Variants in GRIK2 observed in about 807,000 individuals in gnomAD.
GRIK2 encodes the protein glutamate ionotropic receptor kainate type subunit 2, also known as glutamate receptor ionotropic, kainate 2.
GRIK2 carries 32 observed loss-of-function variants against 100.3 expected under a neutral mutation model. The ratio of observed to expected loss-of-function variants is 0.32; its 90% CI spans 0.24 to 0.43. The LOEUF (loss-of-function observed/expected upper bound fraction) is 0.43, where lower values mean the gene tolerates loss of function less well. GRIK2 is among the 20% of genes least tolerant of loss of function. The pLI is 1.00. For missense variants in GRIK2, 843 were observed against 1,114.9 expected (o/e 0.76, Z 3.47); for synonymous variants, 417 against 389.4 (o/e 1.07, Z -0.83).
At chr6:101,644,078 T>A (rs1781408672) in intron 4 of GRIK2, among the ~76,000 whole-genome samples, 1 of 151,756 alleles carries the variant, frequency 6.6e-6, no homozygotes. Context: ...TAAAGTAATA[T>A]CTTATCAAGC....
At chr6:101,837,701 G>A (rs1441008352) in intron 10 of GRIK2, among the ~76,000 whole-genome samples, 4 of 152,224 alleles carry the variant, frequency 2.6e-5, no homozygotes, top group South Asian at 2.1e-4. Context: ...TTCTGCCAGG[G>A]TCAGGACAAA....
intron 2 of GRIK2, among the ~76,000 whole-genome samples, chr6:101,456,122 T>C (rs574685034): frequency 6.6e-6 from 1 of 151,698 alleles, no homozygotes; most frequent in Admixed American, 6.6e-5. Flanking sequence ...GACAGATTTT[T>C]TTTTTTTTTT....
intron 16 of GRIK2, 134 bp from the exon 17 acceptor site, chr6:102,068,213 A>C: frequency 1.6e-6 from 1 of 618,696 alleles, no homozygotes; most frequent in African/African-American, 1.9e-5. Flanking sequence ...ATTTGTTATA[A>C]CTTTTACAAT....
chr6:101,853,193 AAACCTCTTAT>A (rs1784239358), intron 10 of GRIK2, among the ~76,000 whole-genome samples: 1 of 152,170 alleles, frequency 6.6e-6, no homozygotes. Flanking sequence ...ACCTAGGTTC[AAACCTCTTAT>A]TTTGTTGCCT....
At chr6:101,839,364 C>T (rs1196099676) in intron 10 of GRIK2, among the ~76,000 whole-genome samples, 1 of 152,092 alleles carries the variant, frequency 6.6e-6, no homozygotes, top group Non-Finnish European at 1.5e-5. Context: ...TTTGAAGGCA[C>T]AGATGTGTGA....
At chr6:101,609,267 T>A (rs1333001746) in intron 2 of GRIK2, among the ~76,000 whole-genome samples, 2 of 151,802 alleles carry the variant, frequency 1.3e-5, no homozygotes, top group African/African-American at 4.8e-5. Flanking sequence ...TTCTACAATA[T>A]TTTCTTCCCA....
At chr6:101,584,328 G>A (rs1004251371) in intron 2 of GRIK2, among the ~76,000 whole-genome samples, 38 of 152,052 alleles carry the variant, frequency 2.5e-4, no homozygotes, top group Middle Eastern at 3.4e-3. Flanking sequence ...AGTAGAATTT[G>A]TTTCTTTCAC....
chr6:101,840,779 TA>T (rs200747049), intron 10 of GRIK2, among the ~76,000 whole-genome samples: 3 of 151,284 alleles, frequency 2.0e-5, no homozygotes, highest in East Asian at 4.1e-4. Flanking sequence ...AGTAATTGAT[TA>T]AAAAAACAAA....
chr6:102,043,158 A>T (rs1227348125), intron 15 of GRIK2, among the ~76,000 whole-genome samples: 1 of 151,806 alleles, frequency 6.6e-6, no homozygotes, highest in Non-Finnish European at 1.5e-5. Flanking sequence ...TATTTAAAAA[A>T]ATTTTTTAAA....
intron 15 of GRIK2, among the ~76,000 whole-genome samples, chr6:102,047,906 A>T (rs896081198): frequency 2.0e-5 from 3 of 151,932 alleles, no homozygotes; most frequent in African/African-American, 7.2e-5. Context: ...TCAAGGCAAT[A>T]ATGAGCAAAA....
rs548962832 is a variant in GRIK2, at chr6:101,398,842, G to C, written c.-293-143G>C. 8.2e-4 allele frequency: 325 copies of C among 398,364 alleles called. 1 individual carries two copies. The highest frequency in any genetic ancestry group is 5.9e-3 in the African/African-American group (288 of 48,728). 24.7% of individuals were successfully genotyped at this position (398,364 alleles called of 1,614,324 possible). A position where few individuals can be genotyped will look rare whatever the true frequency, so the allele number is the denominator to read the frequency against. ...TAATCTTGGCTTCACGTCAGAAGCT[G>C]TGCAGCAGTGCAGTAGAATAGGGCC... On this transcript the variant is annotated intron_variant, in intron 1 of 16. Transcript: ENST00000369134.
chr6:101,607,513 G>A lies in GRIK2; in HGVS notation c.116-14436G>A, dbSNP rs527890924. 1.8e-3 allele frequency among the ~76,000 whole-genome samples: 268 copies of A among 152,116 alleles called. 2 individuals are homozygous for A. Among genetic ancestry groups the A allele is most frequent in the Non-Finnish European group, 2.3e-3 (155 of 67,958 alleles). ...CGTGTTATTCTTTAACTTACCAGAG[G>A]TAGAAAGAGAGCTTGCTTTTTATTG... On this transcript the variant is annotated intron_variant, in intron 2 of 16. Transcript: ENST00000369134.
chr6:101,650,958 A>C (rs1781757069), intron 4 of GRIK2, among the ~76,000 whole-genome samples: 2 of 151,726 alleles, frequency 1.3e-5, no homozygotes, highest in South Asian at 4.1e-4. Flanking sequence ...CAAAGAAGAA[A>C]GAGACCTCCA....
At chr6:101,801,336 G>C (rs546695986) in intron 8 of GRIK2, among the ~76,000 whole-genome samples, 1 of 152,028 alleles carries the variant, frequency 6.6e-6, no homozygotes, top group Admixed American at 6.6e-5. Flanking sequence ...GTGAACACAT[G>C]TTTAACTTTA....
At chr6:102,008,735 C>T (rs1055471113) in intron 14 of GRIK2, among the ~76,000 whole-genome samples, 3 of 152,010 alleles carry the variant, frequency 2.0e-5, no homozygotes, top group Non-Finnish European at 4.4e-5. Flanking sequence ...TAGCAAACTC[C>T]TAGTGAATCA....
chr6:101,567,984 A>G (rs987699798), intron 2 of GRIK2, among the ~76,000 whole-genome samples: 1 of 151,984 alleles, frequency 6.6e-6, no homozygotes, highest in African/African-American at 2.4e-5. Context: ...GTAAAGCATA[A>G]TTTAATATTC....
At chr6:101,986,459 T>C (rs1195661393) in intron 14 of GRIK2, among the ~76,000 whole-genome samples, 1 of 151,928 alleles carries the variant, frequency 6.6e-6, no homozygotes, top group Non-Finnish European at 1.5e-5. Context: ...TCATATTTTC[T>C]TCTGCATAGT....
intron 2 of GRIK2, among the ~76,000 whole-genome samples, chr6:101,548,695 T>TATCATG (rs1195766611): frequency 6.6e-6 from 1 of 152,338 alleles, no homozygotes; most frequent in African/African-American, 2.4e-5. Flanking sequence ...ATCATCACTG[T>TATCATG]ATCATGATCA....
chr6:101,974,086 A>T (rs1027074495), intron 14 of GRIK2, among the ~76,000 whole-genome samples: 2 of 152,026 alleles, frequency 1.3e-5, no homozygotes, highest in Non-Finnish European at 2.9e-5. Context: ...TTTTAATAAT[A>T]GAGTCTCTAC....
Sources: allele counts gnomAD v4.1 joint callset (sites outside exome capture counted in the v4.1 genomes callset), GRCh38; gene constraint gnomAD v4.1.1; transcripts MANE v1.5; gene names NCBI Gene and HGNC (gene_info 2026-07-23, HGNC 2026-07-21).